PTPRC: variants seen among roughly 807,000 people sequenced by gnomAD.
PTPRC encodes the protein protein tyrosine phosphatase receptor type C.
In PTPRC, 44 loss-of-function variants were observed where a neutral mutation model predicts 155.9. The ratio of observed to expected loss-of-function variants is 0.28; its 90% confidence interval spans 0.22 to 0.36. The LOEUF (loss-of-function observed/expected upper bound fraction) is 0.36. Among genes scored for constraint, PTPRC ranks in the 10% least tolerant of loss-of-function variants. The pLI, the probability that PTPRC is intolerant of heterozygous loss-of-function variation, is 1.00. For synonymous variants in PTPRC, 525 were observed against 533.1 expected, an observed-to-expected ratio of 0.98 and a Z score of 0.21; for missense variants, 1,401 against 1,564.6, an observed-to-expected ratio of 0.90 and a Z score of 1.76.
intron 2 of PTPRC, among the ~76,000 whole-genome samples, chr1:198,660,030 C>CATATATATATATATAT (rs34796231): frequency 4.3e-5 from 5 of 115,920 alleles, no homozygotes; most frequent in Admixed American, 8.7e-5. Context: ...TATATATGTC[C>CATATATATATATATAT]ATATATATAT....
rs1224569651 is a variant in PTPRC, at chr1:198,703,178, C to A, written c.584-120C>A. The A allele has an allele frequency of 5.1e-6, 7 of 1,373,646 alleles. No individual in the cohort carries two copies. The African/African-American group carries it at 8.7e-5, about 17-fold the overall frequency. The allele number at this position is 1,373,646 out of a possible 1,614,324, so 85.1% of individuals were successfully genotyped here. A position where few individuals can be genotyped will look rare whatever the true frequency, so the allele number is the denominator to read the frequency against. On this transcript the variant is annotated intron_variant, in intron 6 of 32. Transcript: ENST00000442510. The stretch of plus-strand genomic sequence containing the variant: ...TTTTAAAAACAAGCGAATGTCAAAT[C>A]AAACGAGGACTCCTAGAGCAAAGAT...
At chr1:198,686,734 G>A (rs968223260) in intron 2 of PTPRC, among the ~76,000 whole-genome samples, 1 of 152,072 alleles carries the variant, frequency 6.6e-6, no homozygotes, top group African/African-American at 2.4e-5. Context: ...AATATTTATT[G>A]TGCACTGGTT....
intron 20 of PTPRC, among the ~76,000 whole-genome samples, 190 bp downstream of exon 20, chr1:198,732,746 T>C (rs1321074970): frequency 6.6e-6 from 1 of 151,910 alleles, no homozygotes; most frequent in African/African-American, 2.4e-5. Flanking sequence ...AGGTATAACA[T>C]AGAATTTTCC....
At chr1:198,658,745 AT>A (rs1279032258) in intron 2 of PTPRC, among the ~76,000 whole-genome samples, 15 of 152,202 alleles carry the variant, frequency 9.9e-5, no homozygotes, top group African/African-American at 3.6e-4. Flanking sequence ...TTCTGTTCTT[AT>A]TATGTTCCTT....
intron 18 of PTPRC, 143 bp downstream of exon 18, chr1:198,731,869 T>C (rs1330205112): frequency 1.4e-6 from 1 of 717,934 alleles, no homozygotes. Context: ...AGCAGATCTC[T>C]ATGAACCAGA....
At chr1:198,683,811 G>C (rs1303229249) in intron 2 of PTPRC, among the ~76,000 whole-genome samples, 1 of 151,940 alleles carries the variant, frequency 6.6e-6, no homozygotes. Flanking sequence ...ATACATAACT[G>C]ATAACAAGCC....
intron 2 of PTPRC, among the ~76,000 whole-genome samples, chr1:198,659,014 C>A (rs982543125): frequency 6.6e-6 from 1 of 151,988 alleles, no homozygotes; most frequent in Non-Finnish European, 1.5e-5. Context: ...TCTTTCCAGA[C>A]AAGATTTTTC....
intron 2 of PTPRC, among the ~76,000 whole-genome samples, chr1:198,675,578 A>G (rs1423928490): frequency 1.3e-5 from 2 of 152,148 alleles, no homozygotes; most frequent in Non-Finnish European, 2.9e-5. Flanking sequence ...AGAATGATCA[A>G]CCCAAATGTG....
chr1:198,754,582 C>T (rs991094337), intron 32 of PTPRC, 178 bp downstream of exon 32: 1 of 752,240 alleles, frequency 1.3e-6, no homozygotes, highest in Non-Finnish European at 2.1e-6. Flanking sequence ...TGATAATTCA[C>T]ATTAAATTAT....
chr1:198,674,997 TCTTTAGTCCC>T (rs1429048861), intron 2 of PTPRC, among the ~76,000 whole-genome samples: 1 of 152,194 alleles, frequency 6.6e-6, no homozygotes, highest in Non-Finnish European at 1.5e-5. Flanking sequence ...TTCTTATGCA[TCTTTAGTCCC>T]CTAGGATTTG....
chr1:198,704,443 A>G, intron 7 of PTPRC, 29 bp from the exon 8 acceptor site: 1 of 1,613,782 alleles, frequency 6.2e-7, no homozygotes, highest in Non-Finnish European at 8.5e-7. Context: ...CAAAATTTTA[A>G]TAATTTACAT....
chr1:198,680,063 G>A (rs558725671), intron 2 of PTPRC: 133 of 468,330 alleles, frequency 2.8e-4, no homozygotes, highest in Non-Finnish European at 4.4e-4. Flanking sequence ...AACGCAGCGC[G>A]CAGCTGGGAG....
At chr1:198,691,138 C>G (rs1477818290) in intron 2 of PTPRC, among the ~76,000 whole-genome samples, 1 of 152,070 alleles carries the variant, frequency 6.6e-6, no homozygotes, top group East Asian at 1.9e-4. Flanking sequence ...GGACACTTCT[C>G]TTTTATGTAG....
intron 2 of PTPRC, among the ~76,000 whole-genome samples, chr1:198,652,984 C>T (rs1033814306): frequency 1.3e-5 from 2 of 151,760 alleles, no homozygotes; most frequent in African/African-American, 2.4e-5. Context: ...AGAAGTACTT[C>T]AAAGGCAAGA....
At chr1:198,685,203 A>G (rs1665553284) in intron 2 of PTPRC, among the ~76,000 whole-genome samples, 1 of 152,000 alleles carries the variant, frequency 6.6e-6, no homozygotes, top group South Asian at 2.1e-4. Context: ...ATATTTTAAC[A>G]TAACGTCTAC....
intron 15 of PTPRC, among the ~76,000 whole-genome samples, chr1:198,723,159 A>G (rs994994277): frequency 1.3e-5 from 2 of 150,974 alleles, no homozygotes; most frequent in Non-Finnish European, 1.5e-5. Flanking sequence ...TGCTCTTTCT[A>G]GAGTTACTAA....
At chr1:198,659,726 G>A (rs772439675) in intron 2 of PTPRC, among the ~76,000 whole-genome samples, 21 of 151,692 alleles carry the variant, frequency 1.4e-4, no homozygotes, top group Non-Finnish European at 2.4e-4. Flanking sequence ...TAGAGACAGG[G>A]ATTTTCTATG....
At chr1:198,661,677 C>G (rs1663976068) in intron 2 of PTPRC, among the ~76,000 whole-genome samples, 1 of 152,078 alleles carries the variant, frequency 6.6e-6, no homozygotes, top group South Asian at 2.1e-4. Context: ...TGGGGACTAT[C>G]TTGAGTCTCC....
At chr1:198,722,349 AAT>A (rs71717833) in intron 14 of PTPRC, 65 bp from the exon 15 acceptor site, 16,056 of 595,962 alleles carry the variant, frequency 0.027, 4 homozygotes, top group South Asian at 0.041. Context: ...TGTGATATAT[AAT>A]ATATATATAT....
Sources: allele counts gnomAD v4.1 joint callset (sites outside exome capture counted in the v4.1 genomes callset), GRCh38; gene constraint gnomAD v4.1.1; transcripts MANE v1.5; gene names NCBI Gene and HGNC (gene_info 2026-07-23, HGNC 2026-07-21).